The following EXT2 variants were observed in gnomAD, a reference collection of about 807,000 sequenced individuals.
The protein encoded by EXT2 is exostosin glycosyltransferase 2, also known as exostosin-2.
In EXT2, 53 loss-of-function variants were observed where a neutral mutation model predicts 81.6. The ratio of observed to expected loss-of-function variants is 0.65; its 90% confidence interval spans 0.52 to 0.82. EXT2 has a LOEUF of 0.82. Ranked by LOEUF, EXT2 falls within the 40% of genes least tolerant of loss-of-function variation. The pLI is 0.00. For synonymous variants in EXT2, 320 were observed against 340.0 expected (o/e 0.94, Z 0.65); for missense variants, 774 against 910.2 (o/e 0.85, Z 1.93).
intron 6 of EXT2, among the ~76,000 whole-genome samples, chr11:44,129,487 T>C (rs1386508510): frequency 1.3e-5 from 2 of 152,220 alleles, no homozygotes; most frequent in East Asian, 3.8e-4. Context: ...GGCTGTTTGC[T>C]TGTTAGACTT....
intron 10 of EXT2, among the ~76,000 whole-genome samples, chr11:44,226,227 G>A (rs1023817842): frequency 3.3e-5 from 5 of 152,184 alleles, no homozygotes; most frequent in Non-Finnish European, 7.3e-5. Flanking sequence ...AACCCCAGAA[G>A]CCTGCCCATG....
chr11:44,108,975 G>A (rs1954101483), intron 2 of EXT2, among the ~76,000 whole-genome samples: 1 of 152,194 alleles, frequency 6.6e-6, no homozygotes, highest in African/African-American at 2.4e-5. Context: ...AAGCAGGTCT[G>A]TATGGGACAA....
Position 44,147,175 on chromosome 11 carries a change from G to A in EXT2, c.1173+17037G>A, listed in dbSNP as rs572913687. 4.0e-4 allele frequency among the ~76,000 whole-genome samples: 61 copies of A among 152,320 alleles called. 2 individuals carry two copies. The highest frequency in any genetic ancestry group is 1.4e-3 in the African/African-American group (59 of 41,574). ...CCTAGCTCTCTGAATCAGCCAGGTT[G>A]ATGGAGTGTTAATGTGGTAGTAAAC... On this transcript the variant is annotated intron_variant, in intron 7 of 13. Transcript: ENST00000533608.
chr11:44,121,666 A>G (rs1466481804), intron 4 of EXT2, among the ~76,000 whole-genome samples: 1 of 128,286 alleles, frequency 7.8e-6, no homozygotes, highest in Non-Finnish European at 1.6e-5. Context: ...GCACCCTCCC[A>G]GCACAGATGC....
intron 6 of EXT2, among the ~76,000 whole-genome samples, chr11:44,127,764 C>A (rs1954430341): frequency 6.6e-6 from 1 of 150,756 alleles, no homozygotes; most frequent in African/African-American, 2.4e-5. Flanking sequence ...CCAGGTGATT[C>A]TGATTTGTAG....
At chr11:44,131,988 G>A (rs1200082414) in intron 7 of EXT2, among the ~76,000 whole-genome samples, 2 of 152,134 alleles carry the variant, frequency 1.3e-5, no homozygotes, top group African/African-American at 2.4e-5. Flanking sequence ...CGCCCGCCTC[G>A]GCTTCCCAAA....
At chr11:44,195,161 G>A (rs917729790) in intron 8 of EXT2, among the ~76,000 whole-genome samples, 9 of 152,138 alleles carry the variant, frequency 5.9e-5, no homozygotes, top group Admixed American at 2.0e-4. Context: ...CTGGCCGGGC[G>A]CGGTGGCTCA....
rs1392264891 is a variant in EXT2, at chr11:44,245,745, C to G, written c.*1458C>G. Among the ~76,000 whole-genome samples, 4 of 152,196 alleles carry G rather than the reference C, an allele frequency of 2.6e-5. No individual in the cohort carries two copies. The highest frequency in any genetic ancestry group is 9.6e-5 in the African/African-American group (4 of 41,454). On this transcript the variant is annotated 3_prime_UTR_variant, in exon 14 of 14. Coordinates refer to ENST00000533608, the MANE Select transcript of EXT2 (RefSeq NM_207122.2). ...CAAGAGTCACTTCAGATGTGTTCCCCAGACTTTGAGAGGTCAAAGAAAGTT... is the reference window on the plus strand; with the variant it reads ...CAAGAGTCACTTCAGATGTGTTCCCGAGACTTTGAGAGGTCAAAGAAAGTT...
At chr11:44,213,544 G>C (rs1955678267) in intron 10 of EXT2, among the ~76,000 whole-genome samples, 1 of 152,142 alleles carries the variant, frequency 6.6e-6, no homozygotes, top group Admixed American at 6.5e-5. Flanking sequence ...ATATAAAGAA[G>C]AGCTAAATGG....
At chr11:44,138,157 G>C (rs1954596791) in intron 7 of EXT2, among the ~76,000 whole-genome samples, 2 of 152,174 alleles carry the variant, frequency 1.3e-5, no homozygotes, top group Admixed American at 1.3e-4. Flanking sequence ...CGGGAGGCAG[G>C]GGAGAGCTTT....
At chr11:44,235,857 A>T (rs1467961153) in intron 12 of EXT2, among the ~76,000 whole-genome samples, 2 of 152,208 alleles carry the variant, frequency 1.3e-5, no homozygotes, top group African/African-American at 4.8e-5. Context: ...CCTCAAGAGC[A>T]TGGTGCTGCT....
chr11:44,244,702 A>T lies in EXT2; in HGVS notation c.*415A>T. On this transcript the variant is annotated 3_prime_UTR_variant, in exon 14 of 14. Transcript: ENST00000533608. ...GGGGAATCATGTAAAGGGTACCCAG[A>T]CCTCACTTTTAGTTATTTACATCAA... 1 of 279,818 alleles carries T rather than the reference A, an allele frequency of 3.6e-6. No homozygotes were observed. Among genetic ancestry groups the T allele is most frequent in the Non-Finnish European group, 6.9e-6 (1 of 145,868 alleles). 17.3% of individuals were successfully genotyped at this position (279,818 alleles called of 1,614,324 possible). A position where few individuals can be genotyped will look rare whatever the true frequency, so the allele number is the denominator to read the frequency against.
intron 9 of EXT2, among the ~76,000 whole-genome samples, chr11:44,201,433 C>T (rs191733940): frequency 1.1e-4 from 17 of 152,262 alleles, no homozygotes; most frequent in Admixed American, 5.2e-4. Flanking sequence ...TATCTCTAGA[C>T]CTTAGGACAA....
At chr11:44,169,585 A>T (rs1955043070) in intron 7 of EXT2, among the ~76,000 whole-genome samples, 1 of 152,218 alleles carries the variant, frequency 6.6e-6, no homozygotes, top group Non-Finnish European at 1.5e-5. Flanking sequence ...CCTTATCAGT[A>T]ATGTAAATTA....
chr11:44,211,708 A>G (rs1320699206), intron 10 of EXT2, among the ~76,000 whole-genome samples: 1 of 152,210 alleles, frequency 6.6e-6, no homozygotes, highest in Admixed American at 6.5e-5. Flanking sequence ...TATTCACAGT[A>G]AGGTGGCTAT....
At chr11:44,190,925 T>G (rs1467761302) in intron 8 of EXT2, among the ~76,000 whole-genome samples, 1 of 152,208 alleles carries the variant, frequency 6.6e-6, no homozygotes, top group Non-Finnish European at 1.5e-5. Flanking sequence ...TTCCTGTGTT[T>G]GGGAATGCCA....
At chr11:44,235,816 G>C (rs1176565785) in intron 12 of EXT2, among the ~76,000 whole-genome samples, 1 of 152,118 alleles carries the variant, frequency 6.6e-6, no homozygotes, top group African/African-American at 2.4e-5. Flanking sequence ...TTTTTTTCTT[G>C]ACTCAAGGGA....
chr11:44,138,669 C>A (rs1954604579), intron 7 of EXT2, among the ~76,000 whole-genome samples: 1 of 151,996 alleles, frequency 6.6e-6, no homozygotes, highest in Non-Finnish European at 1.5e-5. Context: ...TTGTGTATTT[C>A]TTACTGTGGG....
intron 8 of EXT2, among the ~76,000 whole-genome samples, chr11:44,192,975 T>TAGGCCTGA (rs1288434532): frequency 2.6e-5 from 4 of 152,246 alleles, no homozygotes; most frequent in Non-Finnish European, 5.9e-5. Flanking sequence ...CTGAGTCATT[T>TAGGCCTGA]GGCTTTAACT....
Sources: allele counts gnomAD v4.1 joint callset (sites outside exome capture counted in the v4.1 genomes callset), GRCh38; gene constraint gnomAD v4.1.1; transcripts MANE v1.5; gene names NCBI Gene and HGNC (gene_info 2026-07-23, HGNC 2026-07-21).